The following AMBRA1 variants were observed in gnomAD, a reference collection of about 807,000 sequenced individuals.
AMBRA1 encodes autophagy and beclin 1 regulator 1, also known as activating molecule in BECN1-regulated autophagy protein 1.
Under a neutral mutation model 125.4 loss-of-function variants are expected in AMBRA1, and 47 were observed. That is an observed-to-expected ratio of 0.37 (90% CI 0.30 to 0.48). AMBRA1 has a LOEUF of 0.48. Among genes scored for constraint, AMBRA1 ranks in the 20% least tolerant of loss-of-function variants. The pLI is 0.99. For synonymous variants in AMBRA1, 626 were observed against 655.5 expected (o/e 0.95, Z 0.69); for missense variants, 1,331 against 1,693.4 (o/e 0.79, Z 3.76).
intron 7 of AMBRA1, among the ~76,000 whole-genome samples, chr11:46,534,860 G>A (rs770561183): frequency 2.6e-4 from 39 of 152,056 alleles, no homozygotes; most frequent in Non-Finnish European, 4.7e-4. Flanking sequence ...TTTTTGTAGA[G>A]ATAGGGTTTC....
intron 1 of AMBRA1, among the ~76,000 whole-genome samples, chr11:46,590,315 G>A (rs1409020288): frequency 1.3e-5 from 2 of 151,768 alleles, no homozygotes; most frequent in African/African-American, 2.4e-5. Context: ...CTGCAGCCTG[G>A]TGACAGAGCA....
At chr11:46,511,254 G>A (rs144313070) in intron 8 of AMBRA1, among the ~76,000 whole-genome samples, 2,239 of 152,228 alleles carry the variant, frequency 0.015, 30 homozygotes, top group Middle Eastern at 0.027. Context: ...TATATTTAGG[G>A]TGTATAATCC....
chr11:46,567,129 T>C (rs1022108001), intron 1 of AMBRA1, among the ~76,000 whole-genome samples: 7 of 152,206 alleles, frequency 4.6e-5, no homozygotes, highest in Non-Finnish European at 1.0e-4. Flanking sequence ...TGGAGTGCAG[T>C]GGTCCCATCT....
chr11:46,419,315 T>C (rs1485653586), intron 14 of AMBRA1, among the ~76,000 whole-genome samples: 1 of 152,198 alleles, frequency 6.6e-6, no homozygotes, highest in Non-Finnish European at 1.5e-5. Context: ...TAATCAGAGA[T>C]AGGGGCAGGT....
intron 17 of AMBRA1, among the ~76,000 whole-genome samples, chr11:46,402,746 C>G (rs1337235471): frequency 3.3e-5 from 5 of 152,178 alleles, no homozygotes; most frequent in Non-Finnish European, 1.5e-5. Context: ...CTCCACAGTG[C>G]CCTTGAATTC....
At chr11:46,430,854 C>A (rs935826096) in intron 14 of AMBRA1, among the ~76,000 whole-genome samples, 3 of 152,202 alleles carry the variant, frequency 2.0e-5, no homozygotes, top group African/African-American at 7.2e-5. Context: ...ATGGTCAGAG[C>A]TTGACATTAG....
chr11:46,578,882 C>CA lies in AMBRA1; in HGVS notation c.-121+14945dup, dbSNP rs71042607. Reference sequence around the variant, plus strand: ...CCTGGGCGACAGAGAGACTCAGTCTCAAAAAAAAAAAAAAAAAAAAAAAAA... The same window carrying CA: ...CCTGGGCGACAGAGAGACTCAGTCTCAAAAAAAAAAAAAAAAAAAAAAAAAA... On this transcript the variant is annotated intron_variant, in intron 1 of 17. Coordinates refer to ENST00000683756, the MANE Select transcript of AMBRA1 (RefSeq NM_001387011.1). Among the ~76,000 whole-genome samples, 88 of 24,480 alleles carry CA rather than the reference C, an allele frequency of 3.6e-3. 17 individuals are homozygous for CA. Among genetic ancestry groups the CA allele is most frequent in the African/African-American group, 0.017 (81 of 4,874 alleles). 16.1% of individuals were successfully genotyped at this position (24,480 alleles called of 152,430 possible).
intron 12 of AMBRA1, among the ~76,000 whole-genome samples, chr11:46,435,260 ACAC>A (rs2136715708): frequency 6.6e-6 from 1 of 152,354 alleles, no homozygotes; most frequent in South Asian, 2.1e-4. Context: ...AGGATAGTCA[ACAC>A]CACCACAACC....
chr11:46,408,491 T>G, intron 17 of AMBRA1, 22 bp downstream of exon 17: 1 of 1,504,334 alleles, frequency 6.6e-7, no homozygotes, highest in Non-Finnish European at 8.9e-7. Flanking sequence ...TCCCACCCCC[T>G]CCAGCGCCAC....
At chr11:46,573,668 T>C (rs534537439) in intron 1 of AMBRA1, among the ~76,000 whole-genome samples, 182 of 151,210 alleles carry the variant, frequency 1.2e-3, no homozygotes, top group African/African-American at 3.7e-3. Context: ...TTTTTCTTTT[T>C]TTTTTTTTTT....
chr11:46,545,329 G>A (rs575385512), intron 5 of AMBRA1, among the ~76,000 whole-genome samples: 1 of 152,050 alleles, frequency 6.6e-6, no homozygotes, highest in African/African-American at 2.4e-5. Context: ...GGGCATGGTG[G>A]TGGGTGCCTG....
In AMBRA1 at chr11:46,397,230, C is replaced by T. The variant is rs1473714825; in HGVS notation, c.*220G>A. ...ACATTAAGCCCACAGTGTGGCTCTC[C>T]CGGGCTCCAGATCCTGGAAGGTTCT... On this transcript the variant is annotated 3_prime_UTR_variant, in exon 18 of 18. Transcript: ENST00000683756. 2 of 496,470 alleles carry T rather than the reference C, an allele frequency of 4.0e-6. No individual in the cohort carries two copies. The highest frequency in any genetic ancestry group is 6.4e-6 in the Non-Finnish European group (2 of 312,848). The allele number at this position is 496,470 out of a possible 1,614,324, so 30.8% of individuals were successfully genotyped here.
rs144639588 is a variant in AMBRA1, at chr11:46,407,508, G to A, written c.3403+1005C>T. 2.7e-3 allele frequency among the ~76,000 whole-genome samples: 414 copies of A among 152,358 alleles called. 2 individuals are homozygous for A. Among genetic ancestry groups the A allele is most frequent in the African/African-American group, 8.6e-3 (356 of 41,584 alleles). On this transcript the variant is annotated intron_variant, in intron 17 of 17. Transcript: ENST00000683756. Reference sequence around the variant, plus strand: ...CCACCTCCTCCCAGAGGCTCACAGCGGAGGTTGGCTGCTCCAGCCAGCACC... The same window carrying A: ...CCACCTCCTCCCAGAGGCTCACAGCAGAGGTTGGCTGCTCCAGCCAGCACC...
chr11:46,463,999 C>G (rs553438321), intron 11 of AMBRA1, among the ~76,000 whole-genome samples: 2 of 152,314 alleles, frequency 1.3e-5, no homozygotes, highest in East Asian at 1.9e-4. Flanking sequence ...AGATAGGGAG[C>G]TTTTCACTCT....
chr11:46,551,376 A>T (rs546683555), intron 1 of AMBRA1, among the ~76,000 whole-genome samples: 1 of 152,204 alleles, frequency 6.6e-6, no homozygotes, highest in East Asian at 1.9e-4. Flanking sequence ...GCGATGGTGC[A>T]ATCATGGCTC....
intron 1 of AMBRA1, among the ~76,000 whole-genome samples, chr11:46,569,436 A>ATATAT (rs1185545375): frequency 1.3e-4 from 17 of 132,492 alleles, no homozygotes; most frequent in African/African-American, 2.8e-4. Context: ...ATTAAAAAAA[A>ATATAT]AAAAATATAT....
chr11:46,545,730 G>C lies in AMBRA1; in HGVS notation c.425C>G (p.Ser142Cys), dbSNP rs767445465. The C allele has an allele frequency of 6.2e-7, 1 of 1,614,066 alleles. No individual in the cohort carries two copies. The highest frequency in any genetic ancestry group is 8.5e-7 in the Non-Finnish European group (1 of 1,180,028). The change falls in exon 5 of 18, where the codon TCC (serine) becomes TGC (cysteine). Residue 142 changes from serine (S) to cysteine (C), a missense_variant. Physicochemically the swap from Ser to Cys is moderately radical, Grantham distance 112. Around this residue, in one of 4 missense-constraint regions of AMBRA1, gnomAD observed 144 missense variants for 250.4 expected, o/e 0.58. Transcript: ENST00000683756. ...CTGAGCCGTAGGGTGGAAAGCCAGG[G>C]AGGCAATGGCATTGTTGCTATCTGT... ...WFTDSNNAIASLAFHPTAQLL... is the reference protein window; with the variant it reads ...WFTDSNNAIACLAFHPTAQLL...
intron 1 of AMBRA1, among the ~76,000 whole-genome samples, chr11:46,565,644 T>G (rs1246619289): frequency 6.6e-6 from 1 of 151,760 alleles, no homozygotes; most frequent in Non-Finnish European, 1.5e-5. Context: ...GAGGCGGAGG[T>G]TGCAATGAAC....
intron 7 of AMBRA1, among the ~76,000 whole-genome samples, chr11:46,536,306 A>G (rs59144630): frequency 0.044 from 6,739 of 152,194 alleles, 501 homozygotes; most frequent in African/African-American, 0.15. Flanking sequence ...TAAACAAATA[A>G]TTTTCTGTCA....
Sources: allele counts gnomAD v4.1 joint callset (sites outside exome capture counted in the v4.1 genomes callset), GRCh38; gene constraint gnomAD v4.1.1; regional missense constraint gnomAD v4.1.1; transcripts MANE v1.5; gene names NCBI Gene and HGNC (gene_info 2026-07-23, HGNC 2026-07-21).